MTRR: variants seen among roughly 807,000 people sequenced by gnomAD.
The protein encoded by MTRR is methionine synthase reductase.
A neutral mutation model predicts 79.2 loss-of-function variants in MTRR; 63 were observed. The observed-to-expected ratio is 0.80, with a 90% CI of 0.65 to 0.98. The LOEUF is 0.98. Among genes scored for constraint, MTRR ranks in the 50% least tolerant of loss-of-function variants. MTRR has a pLI of 0.00. For missense variants in MTRR, 895 were observed against 839.6 expected (o/e 1.07, Z -0.82); for synonymous variants, 355 against 313.3 (o/e 1.13, Z -1.41).
At position 7,894,815 on chromosome 5, in the gene MTRR, CAG is replaced by C. The variant is rs79333304; in HGVS notation, c.1558-918_1558-917del. 7.2e-4 allele frequency among the ~76,000 whole-genome samples: 110 copies of C among 152,310 alleles called. 2 individuals carry two copies. The East Asian group carries it at 0.017, about 24-fold the overall frequency. On this transcript the variant is annotated intron_variant, in intron 11 of 14. Coordinates refer to ENST00000440940, the MANE Select transcript of MTRR (RefSeq NM_002454.3). ...CACTAGAATGTAAGTTCCGTAAAGA[CAG>C]GGGCGTTGTTTTGTTCATTTCTGTA...
chr5:7,875,339 A>G lies in MTRR; in HGVS notation c.365A>G (p.His122Arg), dbSNP rs1748692220. 1.9e-6 allele frequency: 3 copies of G among 1,613,886 alleles called. No individual in the cohort carries two copies. The highest frequency in any genetic ancestry group is 1.3e-5 in the African/African-American group (1 of 75,042). Residue 122 changes from histidine to arginine, a missense_variant, in exon 4 of 15, where the codon CAT becomes CGT. Coordinates refer to ENST00000440940, the MANE Select transcript of MTRR (RefSeq NM_002454.3). Reference protein sequence around the residue: ...DKRLQELGARHFYDTGHADDC... With the variant: ...DKRLQELGARRFYDTGHADDC... ...CGACTTCAAGAGCTTGGAGCCCGGCATTTCTATGACACTGGACATGCAGAT... is the reference window on the plus strand; with the variant it reads ...CGACTTCAAGAGCTTGGAGCCCGGCGTTTCTATGACACTGGACATGCAGAT...
intron 9 of MTRR, among the ~76,000 whole-genome samples, chr5:7,890,024 C>T (rs1251813620): frequency 6.6e-6 from 1 of 152,180 alleles, no homozygotes; most frequent in East Asian, 1.9e-4. Context: ...GGGGTGAAGA[C>T]TAAGCGCTTT....
At chr5:7,851,140 GGTC>G (rs934186542), upstream of MTRR, 5 of 1,184,448 alleles carry the variant, frequency 4.2e-6, no homozygotes, top group African/African-American at 7.9e-5. Flanking sequence ...GTCTGTGTTC[GGTC>G]GTTGCCTGGA....
In MTRR at chr5:7,885,866, G is replaced by A; in HGVS notation, c.1057+12G>A. 2 of 1,614,006 alleles carry A rather than the reference G, an allele frequency of 1.2e-6. No homozygotes were observed. The highest frequency in any genetic ancestry group is 1.6e-4 in the Middle Eastern group (1 of 6,062). The stretch of plus-strand genomic sequence containing the variant: ...CACAAAGAAGAAAGGTAACAGCCCT[G>A]ATGCTGTGACGTTGGGGTGTTGTGG... On this transcript the variant is annotated intron_variant, in intron 7 of 14. Transcript: ENST00000440940.
Position 7,897,203 on chromosome 5 carries a change from G to A in MTRR, c.1908G>A (p.Val636=). ...QDNIQLHGQQ[V]ARILLQENGH... The stretch of plus-strand genomic sequence containing the variant: ...ACATCCAGCTTCATGGCCAGCAGGT[G>A]GCGAGAATCCTCCTCCAGGAGAACG... The change falls in exon 14 of 15, where the codon GTG becomes GTA. Residue 636 remains valine (V), a synonymous_variant. Transcript: ENST00000440940. 6.2e-7 allele frequency: 1 copy of A among 1,614,138 alleles called. No individual in the cohort carries two copies. The highest frequency in any genetic ancestry group is 8.5e-7 in the Non-Finnish European group (1 of 1,180,030).
At chr5:7,851,732 T>C (rs1157387470) in intron 1 of MTRR, 3 of 152,224 alleles carry the variant, frequency 2.0e-5, no homozygotes, top group Admixed American at 6.5e-5. Context: ...TCAGCTGCTG[T>C]GGACAGGGCT....
At position 7,899,803 on chromosome 5, in the gene MTRR, C is replaced by T. The variant is rs569341561; in HGVS notation, c.1953-111C>T. The T allele has an allele frequency of 8.2e-5, 112 of 1,371,032 alleles. 1 individual carries two copies. The South Asian group carries it at 1.2e-3, about 14-fold the overall frequency. The allele number at this position is 1,371,032 out of a possible 1,614,324, so 84.9% of individuals were successfully genotyped here. ...ATCTGTGTGAGATGTTCTGAGAAGA[C>T]GGAGGGAAGAACTATGGTGGTACAG... On this transcript the variant is annotated intron_variant, in intron 14 of 14. Coordinates refer to ENST00000440940, the MANE Select transcript of MTRR (RefSeq NM_002454.3).
intron 10 of MTRR, among the ~76,000 whole-genome samples, chr5:7,892,145 G>C (rs1737717322): frequency 6.6e-6 from 1 of 152,138 alleles, no homozygotes; most frequent in Non-Finnish European, 1.5e-5. Context: ...CTGGCTCTCT[G>C]TTTTGCCTTT....
intron 1 of MTRR, among the ~76,000 whole-genome samples, chr5:7,858,514 T>C (rs1450578383): frequency 6.6e-6 from 1 of 152,170 alleles, no homozygotes; most frequent in Non-Finnish European, 1.5e-5. Flanking sequence ...TCTTAGCTCA[T>C]CTAGTTTCCA....
intron 11 of MTRR, chr5:7,893,298 TAAG>T (rs976235401): frequency 1.0e-5 from 2 of 197,610 alleles, no homozygotes; most frequent in African/African-American, 2.4e-5. Flanking sequence ...GCCTCTCAAA[TAAG>T]TAGTTTTACA....
chr5:7,886,228 C>G (rs1736401092), intron 7 of MTRR, among the ~76,000 whole-genome samples: 1 of 151,784 alleles, frequency 6.6e-6, no homozygotes, highest in Admixed American at 6.6e-5. Flanking sequence ...TTGCTTTTTC[C>G]ATAATTAAGA....
At chr5:7,865,885 T>C (rs1310500272), upstream of MTRR, 3 of 1,605,208 alleles carry the variant, frequency 1.9e-6, no homozygotes, top group African/African-American at 2.7e-5. Context: ...CCACATATAG[T>C]TCATGCTTTT....
intron 6 of MTRR, among the ~76,000 whole-genome samples, chr5:7,884,648 C>T (rs1010991826): frequency 1.3e-5 from 2 of 152,112 alleles, no homozygotes; most frequent in African/African-American, 4.8e-5. Context: ...TGCCTCGATG[C>T]ACCCCCTCCA....
chr5:7,897,137 T>C lies in MTRR; in HGVS notation c.1842T>C (p.Pro614=). The part of the protein sequence containing the change: ...HLKVSFSRDA[P]VGEEEAPAKY... Reference sequence around the variant, plus strand: ...AGGTTTCCTTCTCAAGAGATGCTCCTGTTGGGGAGGAGGAAGCCCCAGCAA... The same window carrying C: ...AGGTTTCCTTCTCAAGAGATGCTCCCGTTGGGGAGGAGGAAGCCCCAGCAA... The change falls in exon 14 of 15, where the codon CCT becomes CCC. Residue 614 remains proline, a synonymous_variant. Transcript: ENST00000440940. The C allele has an allele frequency of 6.2e-7, 1 of 1,614,200 alleles. No individual in the cohort carries two copies. The highest frequency in any genetic ancestry group is 1.1e-5 in the South Asian group (1 of 91,090).
intron 1 of MTRR, chr5:7,861,701 A>G (rs1206882125): frequency 6.3e-7 from 1 of 1,580,916 alleles, no homozygotes; most frequent in East Asian, 2.3e-5. Context: ...CCTCACAAAC[A>G]CTATCTTCCT....
chr5:7,896,084 A>G (rs1738464943), intron 12 of MTRR, among the ~76,000 whole-genome samples: 1 of 152,166 alleles, frequency 6.6e-6, no homozygotes, highest in Non-Finnish European at 1.5e-5. Context: ...TTCTTTTCTC[A>G]GCTACACTGG....
chr5:7,869,962 A>C, intron 1 of MTRR: 1 of 947,008 alleles, frequency 1.1e-6, no homozygotes, highest in Non-Finnish European at 1.3e-6. Flanking sequence ...CATTCACCGA[A>C]AGCCAAGCTT....
At chr5:7,896,785 G>T in intron 12 of MTRR, 79 bp from the exon 13 acceptor site, 1 of 1,075,008 alleles carries the variant, frequency 9.3e-7, no homozygotes, top group Non-Finnish European at 1.4e-6. Context: ...TGAGTTTGTT[G>T]GTGGTAGTTC....
chr5:7,895,843 T>C lies in MTRR; in HGVS notation c.1667T>C (p.Leu556Pro). The C allele has an allele frequency of 6.2e-7, 1 of 1,614,166 alleles. No homozygotes were observed. The highest frequency in any genetic ancestry group is 8.5e-7 in the Non-Finnish European group (1 of 1,179,982). The part of the protein sequence containing the change: ...GTGIAPFIGF[L>P]QHREKLQEQH... ...GGCATAGCCCCGTTTATTGGGTTCCTACAACATAGGTATGTTCTTTTTTTG... is the reference window on the plus strand; with the variant it reads ...GGCATAGCCCCGTTTATTGGGTTCCCACAACATAGGTATGTTCTTTTTTTG... Residue 556 changes from leucine (L) to proline (P), a missense_variant, in exon 12 of 15, where the codon CTA becomes CCA. Leu to Pro is a moderately conservative substitution (Grantham distance 98). Coordinates refer to ENST00000440940, the MANE Select transcript of MTRR (RefSeq NM_002454.3).
Sources: gnomAD v4.1 joint callset for allele counts (sites outside exome capture counted in the v4.1 genomes callset) on GRCh38, gnomAD v4.1.1 for gene constraint, MANE v1.5 for transcripts, NCBI Gene and HGNC (gene_info 2026-07-23, HGNC 2026-07-21) for gene names.